Variants in MAGED1 observed in about 807,000 individuals in gnomAD.
MAGED1 encodes melanoma-associated antigen D1.
Under a neutral mutation model 54.1 loss-of-function variants are expected in MAGED1, and 3 were observed. The observed-to-expected ratio is 0.06, with a 90% CI of 0.03 to 0.14. The LOEUF is 0.14. MAGED1 is among the 10% of genes least tolerant of loss of function. The pLI is 1.00. For synonymous variants in MAGED1, 217 were observed against 227.3 expected (o/e 0.95, Z 0.41); for missense variants, 485 against 623.4 (o/e 0.78, Z 2.36).
At position 51,841,262 on chromosome X, in the gene MAGED1, G is replaced by A. The variant is rs1176997777; in HGVS notation, c.-37+38145G>A. On this transcript the variant is annotated intron_variant, in intron 1 of 12. Coordinates refer to the MAGED1 transcript ENST00000375772. ...TGAGAAGTGTCTGTTCATATCCTTC[G>A]CCCACTTTTTGATGGGGTTGTTTGT... 1.9e-4 allele frequency among the ~76,000 whole-genome samples: 21 copies of A among 110,497 alleles called. No homozygotes were observed. In the South Asian group the frequency reaches 5.1e-3, roughly 27 times the overall value.
chrX:51,859,364 G>C (rs1423032476), intron 1 of MAGED1, among the ~76,000 whole-genome samples: 1 of 111,773 alleles, frequency 8.9e-6, no homozygotes, highest in Non-Finnish European at 1.9e-5. Context: ...AATCACTTTA[G>C]ATTATGGGGC....
chrX:51,813,738 T>TGGGGAAGC (rs1925308096), intron 1 of MAGED1, among the ~76,000 whole-genome samples: 1 of 111,490 alleles, frequency 9.0e-6, no homozygotes, highest in Non-Finnish European at 1.9e-5. Flanking sequence ...ATGACAGCCA[T>TGGGGAAGC]CATGGGGGGA....
chrX:51,814,119 C>T (rs1196683162), intron 1 of MAGED1, among the ~76,000 whole-genome samples: 1 of 110,892 alleles, frequency 9.0e-6, no homozygotes, highest in Non-Finnish European at 1.9e-5. Context: ...GGTGGTCGCT[C>T]TTGAGAGCAG....
intron 1 of MAGED1, among the ~76,000 whole-genome samples, chrX:51,882,446 A>T (rs1266886915): frequency 9.0e-6 from 1 of 110,925 alleles, no homozygotes; most frequent in Non-Finnish European, 1.9e-5. Context: ...TAAACAAAAC[A>T]TAAGAAGACC....
intron 1 of MAGED1, among the ~76,000 whole-genome samples, chrX:51,865,446 G>A (rs781862449): frequency 8.3e-4 from 93 of 111,736 alleles, no homozygotes; most frequent in African/African-American, 3.0e-3. Flanking sequence ...AATTCAGGTA[G>A]CCCTTTCTTT....
intron 1 of MAGED1, among the ~76,000 whole-genome samples, chrX:51,866,864 G>A (rs994190720): frequency 9.0e-6 from 1 of 111,579 alleles, no homozygotes; most frequent in Non-Finnish European, 1.9e-5. Context: ...ATCAGTGTTT[G>A]CTGGTAATGC....
intron 1 of MAGED1, among the ~76,000 whole-genome samples, chrX:51,854,728 G>A (rs1557360045): frequency 9.0e-6 from 1 of 111,466 alleles, no homozygotes; most frequent in Non-Finnish European, 1.9e-5. Flanking sequence ...TTACTAAATG[G>A]TTGTGGTAGT....
chrX:51,877,693 A>G (rs1927922077), intron 1 of MAGED1, among the ~76,000 whole-genome samples: 1 of 111,796 alleles, frequency 8.9e-6, no homozygotes, highest in Admixed American at 9.5e-5. Flanking sequence ...TTTTGCAAAG[A>G]CTTTTTAATG....
rs1928953092 is a variant in MAGED1, at chrX:51,900,220, C to T, written c.1883C>T (p.Pro628Leu). Residue 628 changes from proline to leucine, a missense_variant, in exon 11 of 13, where the codon CCG becomes CTG. Transcript: ENST00000326587. ...DYRRVPNSNP[P>L]EYEFLWGLRS... is the part of the protein sequence containing the mutation. ...AGACGAGTGCCCAACAGCAACCCCC[C>T]GGAGTATGAGTTCCTCTGGGGCCTC... The T allele has an allele frequency of 8.3e-7, 1 of 1,207,609 alleles. No homozygotes were observed. The highest frequency in any genetic ancestry group is 1.1e-6 in the Non-Finnish European group (1 of 893,776).
chrX:51,841,172 T>C (rs1394688499), intron 1 of MAGED1, among the ~76,000 whole-genome samples: 1 of 109,447 alleles, frequency 9.1e-6, no homozygotes, highest in Non-Finnish European at 1.9e-5. Flanking sequence ...GATTTGCATT[T>C]CTCTGATGGC....
chrX:51,847,669 T>G (rs782101543), intron 1 of MAGED1, among the ~76,000 whole-genome samples: 5 of 111,643 alleles, frequency 4.5e-5, no homozygotes, highest in Non-Finnish European at 9.4e-5. Context: ...TCCTCCCCAC[T>G]GCAAAGAGTG....
chrX:51,897,506 G>C (rs370437709), intron 5 of MAGED1, 41 bp from the exon 6 acceptor site: 1 of 1,061,815 alleles, frequency 9.4e-7, no homozygotes, highest in Non-Finnish European at 1.3e-6. Flanking sequence ...CTGCTCTGTG[G>C]CCCCCGCTCG....
intron 1 of MAGED1, among the ~76,000 whole-genome samples, chrX:51,837,768 G>T (rs1387579184): frequency 8.9e-6 from 1 of 112,144 alleles, no homozygotes; most frequent in Non-Finnish European, 1.9e-5. Flanking sequence ...ATTTCCTAAG[G>T]TTGCACATAA....
chrX:51,853,201 A>G (rs1435095984), intron 1 of MAGED1, among the ~76,000 whole-genome samples: 1 of 111,902 alleles, frequency 8.9e-6, no homozygotes, highest in Non-Finnish European at 1.9e-5. Flanking sequence ...ATGGTCTGCC[A>G]TTTGTTATGG....
At chrX:51,898,522 G>A (rs1293252816) in intron 9 of MAGED1, 59 bp from the exon 10 acceptor site, 1 of 1,086,776 alleles carries the variant, frequency 9.2e-7, no homozygotes, top group Non-Finnish European at 1.2e-6. Context: ...CTCTGTTCTG[G>A]AAAGCTCTTT....
chrX:51,832,259 C>T (rs782017007), intron 1 of MAGED1, among the ~76,000 whole-genome samples: 27 of 111,238 alleles, frequency 2.4e-4, no homozygotes, highest in Non-Finnish European at 4.9e-4. Context: ...CGAACTCCTA[C>T]GCTCAAGGGA....
In MAGED1 at chrX:51,876,032, C is replaced by G. The variant is rs1273338804; in HGVS notation, c.-36-18237C>G. ...ACCATACATAGGACAAACCCACACC[C>G]ACACCCATAGTGTGGGTCACATGAC... On this transcript the variant is annotated intron_variant, in intron 1 of 12. Transcript: ENST00000375772. 5.4e-5 allele frequency among the ~76,000 whole-genome samples: 6 copies of G among 111,074 alleles called. No individual in the cohort carries two copies. In the East Asian group the frequency reaches 1.7e-3, roughly 32 times the overall value.
chrX:51,815,040 G>A (rs1010872496), intron 1 of MAGED1, among the ~76,000 whole-genome samples: 2 of 108,088 alleles, frequency 1.9e-5, no homozygotes, highest in Non-Finnish European at 3.8e-5. Context: ...GTACTCTGGA[G>A]GCTGAGGCAT....
At chrX:51,803,326 C>T (rs1228840567) in intron 1 of MAGED1, among the ~76,000 whole-genome samples, 1 of 110,522 alleles carries the variant, frequency 9.0e-6, no homozygotes, top group Non-Finnish European at 1.9e-5. Flanking sequence ...CCTGCCTCAC[C>T]TCCTCACTCT....
Sources: allele counts gnomAD v4.1 joint callset (sites outside exome capture counted in the v4.1 genomes callset), GRCh38; gene constraint gnomAD v4.1.1; transcripts MANE v1.5; gene names NCBI Gene and HGNC (gene_info 2026-07-23, HGNC 2026-07-21).